The following CCDC192 variants were observed in gnomAD, a reference collection of about 807,000 sequenced individuals.
CCDC192 encodes coiled-coil domain-containing protein 192.
chr5:127,703,830 C>G (rs1750813067), intron 1 of CCDC192, among the ~76,000 whole-genome samples: 2 of 152,138 alleles, frequency 1.3e-5, no homozygotes, highest in South Asian at 2.1e-4. Flanking sequence ...ATGAAGCCAG[C>G]CTTCTTTCAG....
At chr5:127,732,026 G>A (rs1446564400) in intron 2 of CCDC192, among the ~76,000 whole-genome samples, 1 of 152,082 alleles carries the variant, frequency 6.6e-6, no homozygotes, top group Non-Finnish European at 1.5e-5. Flanking sequence ...AAGAGCTTCT[G>A]CATACCAAAA....
At chr5:127,885,179 C>T (rs539877487) in intron 6 of CCDC192, among the ~76,000 whole-genome samples, 2 of 152,072 alleles carry the variant, frequency 1.3e-5, no homozygotes, top group Non-Finnish European at 1.5e-5. Context: ...CAAGCACCAG[C>T]TAAATGTCAG....
intron 2 of CCDC192, among the ~76,000 whole-genome samples, chr5:127,731,420 C>G (rs144048160): frequency 6.6e-6 from 1 of 151,970 alleles, no homozygotes; most frequent in African/African-American, 2.4e-5. Flanking sequence ...GAATAAATAT[C>G]GTAAAAATGG....
At chr5:127,716,922 C>A (rs1037089860) in intron 2 of CCDC192, among the ~76,000 whole-genome samples, 2 of 152,166 alleles carry the variant, frequency 1.3e-5, no homozygotes, top group African/African-American at 4.8e-5. Flanking sequence ...CCTTCTGCAG[C>A]AAAATCTTTC....
chr5:127,792,685 G>A (rs1756941971), intron 3 of CCDC192, among the ~76,000 whole-genome samples: 1 of 151,670 alleles, frequency 6.6e-6, no homozygotes, highest in African/African-American at 2.4e-5. Context: ...CAGCTTGGGT[G>A]ACAGAGCCAG....
At chr5:127,829,890 G>A (rs1749704319) in intron 5 of CCDC192, among the ~76,000 whole-genome samples, 3 of 152,006 alleles carry the variant, frequency 2.0e-5, no homozygotes, top group South Asian at 2.1e-4. Context: ...ATAACATACC[G>A]GTGGCTTGAG....
intron 5 of CCDC192, among the ~76,000 whole-genome samples, chr5:127,824,395 A>G (rs973870054): frequency 6.6e-6 from 1 of 152,228 alleles, no homozygotes; most frequent in African/African-American, 2.4e-5. Flanking sequence ...TAAAAGCAAC[A>G]GGCAACATTC....
Position 127,754,543 on chromosome 5 carries a change from C to G in CCDC192, c.222+168C>G, listed in dbSNP as rs529573766. On this transcript the variant is annotated intron_variant, in intron 3 of 6. Coordinates refer to ENST00000514853, the MANE Select transcript of CCDC192 (RefSeq NM_001317938.2). ...AGTATGCCCCCCCACCCCACACACACACAGCATTCCATTCATTTTAGACAT... is the reference window on the plus strand; with the variant it reads ...AGTATGCCCCCCCACCCCACACACAGACAGCATTCCATTCATTTTAGACAT... Among the ~76,000 whole-genome samples the G allele has an allele frequency of 9.9e-5, 15 of 151,726 alleles. No homozygotes were observed. The South Asian group carries it at 1.3e-3, about 13-fold the overall frequency.
chr5:127,764,573 A>G (rs1755111420), intron 3 of CCDC192, among the ~76,000 whole-genome samples: 1 of 152,070 alleles, frequency 6.6e-6, no homozygotes, highest in Non-Finnish European at 1.5e-5. Context: ...GATGATTTTA[A>G]TCTCCTTTTT....
intron 3 of CCDC192, among the ~76,000 whole-genome samples, chr5:127,768,553 T>C (rs1429948299): frequency 6.6e-6 from 1 of 152,202 alleles, no homozygotes; most frequent in Non-Finnish European, 1.5e-5. Flanking sequence ...AACTGTGAGA[T>C]AATAAATTTT....
rs140373754 is a variant in CCDC192 at position 127,778,775 on chromosome 5, A to T, written c.223-18328A>T. The stretch of plus-strand genomic sequence containing the variant: ...TCTTTTCTTTTCTTTTCTTTTTTTT[A>T]AAATGGATTCAATCTCTTTAATTGT... On this transcript the variant is annotated intron_variant, in intron 3 of 6. Transcript: ENST00000514853. Among the ~76,000 whole-genome samples, 1,493 of 151,526 alleles carry T rather than the reference A, an allele frequency of 9.9e-3. 29 individuals are homozygous for T. The highest frequency in any genetic ancestry group is 0.034 in the African/African-American group (1,418 of 41,294).
At chr5:127,765,089 C>T (rs189782278) in intron 3 of CCDC192, among the ~76,000 whole-genome samples, 2 of 152,222 alleles carry the variant, frequency 1.3e-5, no homozygotes, top group Admixed American at 1.3e-4. Flanking sequence ...AAATTTTGTC[C>T]AGCAGGTCCC....
At chr5:127,807,249 A>G (rs188223759) in intron 5 of CCDC192, among the ~76,000 whole-genome samples, 260 of 152,294 alleles carry the variant, frequency 1.7e-3, no homozygotes, top group African/African-American at 5.2e-3. Flanking sequence ...ATAGTTTATA[A>G]TTCTATGGAA....
intron 6 of CCDC192, among the ~76,000 whole-genome samples, chr5:127,891,133 C>T (rs1461650972): frequency 6.6e-6 from 1 of 152,146 alleles, no homozygotes; most frequent in African/African-American, 2.4e-5. Flanking sequence ...CTCACTGCAA[C>T]CTCAGCCTCC....
intron 1 of CCDC192, among the ~76,000 whole-genome samples, 195 bp from the exon 2 acceptor site, chr5:127,707,514 C>T (rs145444349): frequency 4.0e-5 from 6 of 151,840 alleles, no homozygotes; most frequent in Non-Finnish European, 5.9e-5. Flanking sequence ...TTATCTTCTG[C>T]GAGTAAAGTT....
intron 5 of CCDC192, among the ~76,000 whole-genome samples, chr5:127,842,092 T>C (rs1750316302): frequency 6.6e-6 from 1 of 152,214 alleles, no homozygotes; most frequent in Non-Finnish European, 1.5e-5. Context: ...CTCCTCTGAA[T>C]TTTCTAGCAG....
intron 5 of CCDC192, among the ~76,000 whole-genome samples, chr5:127,808,778 A>G (rs1050309573): frequency 6.6e-6 from 1 of 152,038 alleles, no homozygotes; most frequent in African/African-American, 2.4e-5. Context: ...ATTCTACTCC[A>G]TTAGTTGAGT....
At chr5:127,882,722 C>T (rs1252575019) in intron 6 of CCDC192, among the ~76,000 whole-genome samples, 2 of 152,098 alleles carry the variant, frequency 1.3e-5, no homozygotes, top group Admixed American at 1.3e-4. Flanking sequence ...GTGCGTTGGG[C>T]CTAAATAAAA....
intron 6 of CCDC192, among the ~76,000 whole-genome samples, chr5:127,921,447 A>G (rs1296854945): frequency 1.3e-5 from 2 of 152,220 alleles, no homozygotes; most frequent in Non-Finnish European, 1.5e-5. Context: ...TGTACCCACT[A>G]TCTGGCAACA....
Sources: allele counts gnomAD v4.1 joint callset (sites outside exome capture counted in the v4.1 genomes callset), GRCh38; gene constraint gnomAD v4.1.1; transcripts MANE v1.5; gene names NCBI Gene and HGNC (gene_info 2026-07-23, HGNC 2026-07-21).